The following MREG variants were observed in gnomAD, a reference collection of about 807,000 sequenced individuals.
The protein encoded by MREG is melanoregulin, also known as dilute suppressor protein homolog.
Under a neutral mutation model 28.5 loss-of-function variants are expected in MREG, and 31 were observed. The ratio of observed to expected loss-of-function variants is 1.09; its 90% CI spans 0.82 to 1.47. The LOEUF (loss-of-function observed/expected upper bound fraction) is 1.47, where lower values mean the gene tolerates loss of function less well. Among genes scored for constraint, MREG ranks in the 40% most tolerant of loss-of-function variants. The probability of loss-of-function intolerance (pLI) is 0.00; values close to 1 mark genes in which losing one functional copy is unlikely to be tolerated. For missense variants in MREG, 256 were observed against 257.4 expected, an observed-to-expected ratio of 0.99 and a Z score of 0.04; for synonymous variants, 106 against 95.2, an observed-to-expected ratio of 1.11 and a Z score of -0.66.
At chr2:215,963,752 G>A (rs1297546196) in intron 2 of MREG, among the ~76,000 whole-genome samples, 2 of 89,720 alleles carry the variant, frequency 2.2e-5, no homozygotes, top group Non-Finnish European at 5.0e-5. Flanking sequence ...AGGTGGTAGT[G>A]GAGGTGAAGA....
At chr2:215,983,110 C>T (rs79945037) in intron 2 of MREG, among the ~76,000 whole-genome samples, 180 of 152,298 alleles carry the variant, frequency 1.2e-3, no homozygotes, top group African/African-American at 3.9e-3. Context: ...AAGAAGCCTT[C>T]GGAGGATCCC....
chr2:215,994,633 GGGA>G (rs887457438), intron 2 of MREG, among the ~76,000 whole-genome samples: 14 of 149,694 alleles, frequency 9.4e-5, no homozygotes, highest in African/African-American at 1.3e-4. Flanking sequence ...AAGAAGGAGG[GGGA>G]GGAGGAGGAG....
chr2:215,974,703 T>A (rs972753795), intron 2 of MREG, among the ~76,000 whole-genome samples: 1 of 152,006 alleles, frequency 6.6e-6, no homozygotes, highest in African/African-American at 2.4e-5. Flanking sequence ...AAAGGAAGAA[T>A]CTTAGACCCT....
chr2:215,968,462 T>C (rs1178609653), intron 2 of MREG, among the ~76,000 whole-genome samples: 1 of 152,164 alleles, frequency 6.6e-6, no homozygotes, highest in Non-Finnish European at 1.5e-5. Flanking sequence ...CCAAAGCTCA[T>C]GGGACAGCTT....
intron 4 of MREG, 63 bp downstream of exon 4, chr2:215,945,508 T>C (rs1055236659): frequency 1.3e-6 from 2 of 1,560,872 alleles, no homozygotes; most frequent in African/African-American, 2.7e-5. Flanking sequence ...GGATAGTGAA[T>C]AGTTTTAAAA....
chr2:215,994,610 GGAAGAAGAAGA>G (rs58812159), intron 2 of MREG, among the ~76,000 whole-genome samples: 73,949 of 149,262 alleles, frequency 0.5, 21,058 homozygotes, highest in East Asian at 0.63. Flanking sequence ...GAGAAGAAGA[GGAAGAAGAAGA>G]GAAGAAGGAG....
intron 2 of MREG, among the ~76,000 whole-genome samples, chr2:215,962,082 A>G (rs1692807483): frequency 6.6e-6 from 1 of 152,234 alleles, no homozygotes. Context: ...TTTGACCTAG[A>G]ACAGGTCAAA....
In MREG at chr2:215,982,116, T is replaced by A. The variant is rs563735461; in HGVS notation, c.255+14190A>T. ...TGGGTGGATCACCTGAGGTCAGGAG[T>A]TCAAGACCAGCCTGACCAACACTGC... On this transcript the variant is annotated intron_variant, in intron 2 of 4. Coordinates refer to ENST00000263268, the MANE Select transcript of MREG (RefSeq NM_018000.3). Among the ~76,000 whole-genome samples, 26 of 151,466 alleles carry A rather than the reference T, an allele frequency of 1.7e-4. No individual in the cohort carries two copies. The Middle Eastern group carries it at 0.014, about 80-fold the overall frequency.
chr2:215,963,435 CAAAAAAAAA>C (rs767034652), intron 2 of MREG, among the ~76,000 whole-genome samples: 1 of 46,662 alleles, frequency 2.1e-5, no homozygotes, highest in East Asian at 5.8e-4. Context: ...GAACCCATCT[CAAAAAAAAA>C]AAAAAAAAAA....
chr2:215,981,957 A>C (rs1272274547), intron 2 of MREG, among the ~76,000 whole-genome samples: 1 of 152,226 alleles, frequency 6.6e-6, no homozygotes, highest in Non-Finnish European at 1.5e-5. Context: ...GCTGGCCTAC[A>C]TCAGGTTTGC....
upstream of MREG, among the ~76,000 whole-genome samples, chr2:216,015,132 C>T (rs937901459): frequency 6.6e-6 from 1 of 151,754 alleles, no homozygotes; most frequent in Non-Finnish European, 1.5e-5. Context: ...TGTGTGTGCG[C>T]GCGTGCGTCT....
chr2:215,964,232 T>C (rs146875122), intron 2 of MREG, among the ~76,000 whole-genome samples: 5,758 of 152,088 alleles, frequency 0.038, 364 homozygotes, highest in African/African-American at 0.12. Flanking sequence ...ACCTGTAATC[T>C]CAGCACTTTG....
intron 2 of MREG, among the ~76,000 whole-genome samples, chr2:215,979,475 ATAATAATAAT>A (rs1693356760): frequency 1.0e-4 from 12 of 119,096 alleles, no homozygotes; most frequent in Non-Finnish European, 1.7e-4. Context: ...AAAAATAATA[ATAATAATAAT>A]AATAATAATA....
chr2:216,023,670 C>A (rs1694556838), intron 1 of MREG, among the ~76,000 whole-genome samples: 1 of 152,076 alleles, frequency 6.6e-6, no homozygotes, highest in Admixed American at 6.6e-5. Flanking sequence ...CATTTTATTT[C>A]TCTGAGTGTG....
intron 1 of MREG, among the ~76,000 whole-genome samples, chr2:216,031,106 C>T (rs181120236): frequency 7.9e-5 from 12 of 152,088 alleles, no homozygotes; most frequent in African/African-American, 1.7e-4. Context: ...GGTAACAACG[C>T]GTTAGAAAGA....
intron 1 of MREG, among the ~76,000 whole-genome samples, chr2:216,018,690 A>G (rs1479082714): frequency 1.3e-5 from 2 of 152,252 alleles, no homozygotes; most frequent in Non-Finnish European, 2.9e-5. Flanking sequence ...GAGAAGTCAC[A>G]TTAGGGAGTG....
intron 2 of MREG, among the ~76,000 whole-genome samples, chr2:215,987,957 T>C (rs1355786499): frequency 6.6e-6 from 1 of 152,156 alleles, no homozygotes; most frequent in Non-Finnish European, 1.5e-5. Context: ...GGAAGCACTA[T>C]GAAAAGGTTT....
chr2:215,950,055 A>G (rs1215497687), intron 2 of MREG, among the ~76,000 whole-genome samples: 1 of 152,250 alleles, frequency 6.6e-6, no homozygotes, highest in Admixed American at 6.5e-5. Context: ...ATGAAAAGTG[A>G]CCAGATTGTT....
intron 2 of MREG, among the ~76,000 whole-genome samples, chr2:215,991,768 C>A (rs185176308): frequency 6.0e-4 from 91 of 152,312 alleles, no homozygotes; most frequent in East Asian, 3.5e-3. Context: ...CTATAAACAC[C>A]TCTATGCAAA....
Sources: allele counts gnomAD v4.1 joint callset (sites outside exome capture counted in the v4.1 genomes callset), GRCh38; gene constraint gnomAD v4.1.1; transcripts MANE v1.5; gene names NCBI Gene and HGNC (gene_info 2026-07-23, HGNC 2026-07-21).